The following COPZ1 variants were observed in gnomAD, a reference collection of about 807,000 sequenced individuals.
COPZ1 encodes the protein coatomer subunit zeta-1.
Under a neutral mutation model 31.7 loss-of-function variants are expected in COPZ1, and 4 were observed. The ratio of observed to expected loss-of-function variants is 0.13; its 90% CI spans 0.06 to 0.29. COPZ1 has a LOEUF of 0.29. Ranked by LOEUF, COPZ1 falls within the 10% of genes least tolerant of loss-of-function variation. The pLI, the probability that COPZ1 is intolerant of heterozygous loss-of-function variation, is 1.00. For synonymous variants in COPZ1, 74 were observed against 79.0 expected (o/e 0.94, Z 0.33); for missense variants, 156 against 211.5 (o/e 0.74, Z 1.63).
chr12:54,344,203 C>CA (rs1382373212), intron 4 of COPZ1, among the ~76,000 whole-genome samples: 1 of 152,236 alleles, frequency 6.6e-6, no homozygotes, highest in East Asian at 1.9e-4. Context: ...GTAATCCCAG[C>CA]ACTTTGGGAG....
At chr12:54,340,471 G>A in intron 1 of COPZ1, 76 bp from the exon 2 acceptor site, 1 of 1,593,374 alleles carries the variant, frequency 6.3e-7, no homozygotes, top group Non-Finnish European at 8.5e-7. Context: ...AGCCCCAGTG[G>A]GACTAGGGGA....
intron 5 of COPZ1, among the ~76,000 whole-genome samples, chr12:54,346,363 G>T (rs1682907183): frequency 6.6e-6 from 1 of 151,266 alleles, no homozygotes; most frequent in South Asian, 2.1e-4. Context: ...TGCCTCCCAG[G>T]TTCAAGCGAT....
chr12:54,339,297 G>T (rs948685339), intron 1 of COPZ1, among the ~76,000 whole-genome samples: 3 of 151,270 alleles, frequency 2.0e-5, no homozygotes, highest in Non-Finnish European at 2.9e-5. Flanking sequence ...GGAATGTGAG[G>T]CTGCAAATAC....
In COPZ1 at chr12:54,338,420, AGG is replaced by A. The variant is rs1437230322; in HGVS notation, c.19-2126_19-2125del. On this transcript the variant is annotated intron_variant, in intron 1 of 8. Coordinates refer to ENST00000262061, the MANE Select transcript of COPZ1 (RefSeq NM_016057.3). The stretch of plus-strand genomic sequence containing the variant: ...GTGACCTTTTAAGACTAGACTCTAG[AGG>A]ACTTCCCTCCACTAGGCAACAAAGT... 2.7e-3 allele frequency among the ~76,000 whole-genome samples: 415 copies of A among 152,312 alleles called. 4 individuals are homozygous for A. The highest frequency in any genetic ancestry group is 9.8e-3 in the African/African-American group (406 of 41,568).
intron 1 of COPZ1, among the ~76,000 whole-genome samples, chr12:54,331,728 G>C (rs558561162): frequency 5.3e-5 from 8 of 151,972 alleles, no homozygotes; most frequent in African/African-American, 1.5e-4. Flanking sequence ...AGGGAGATGT[G>C]GGGGGGAGTA....
chr12:54,347,046 C>T (rs1187469669), intron 5 of COPZ1, among the ~76,000 whole-genome samples: 1 of 152,186 alleles, frequency 6.6e-6, no homozygotes, highest in African/African-American at 2.4e-5. Flanking sequence ...GAACCCAGTA[C>T]AGACAGCCAT....
At chr12:54,325,386 A>G (rs1202685628) in intron 1 of COPZ1, 2 of 655,808 alleles carry the variant, frequency 3.0e-6, no homozygotes, top group Non-Finnish European at 5.1e-6. Flanking sequence ...GAGAGGGCAT[A>G]GAGTCGGTGG....
At position 54,349,656 on chromosome 12, in the gene COPZ1, C is replaced by A. The variant is rs1434895330; in HGVS notation, c.484C>A (p.Gln162Lys). 6.2e-7 allele frequency: 1 copy of A among 1,611,062 alleles called. No homozygotes were observed. The highest frequency in any genetic ancestry group is 8.5e-7 in the Non-Finnish European group (1 of 1,177,148). The change falls in exon 8 of 9, where the codon CAG becomes AAG. Residue 162 changes from glutamine to lysine, a missense_variant and splice_region_variant. Gln to Lys is a moderately conservative substitution (Grantham distance 53). Transcript: ENST00000262061. ...CCCCCTTACGGAGCAGACCGTGTCT[C>A]AGGTATGACTCTCCCTTCTTCCTTT... ...DVPLTEQTVS[Q>K]VLQSAKEQIK...
intron 7 of COPZ1, among the ~76,000 whole-genome samples, chr12:54,349,371 G>T (rs1954111853): frequency 6.6e-6 from 1 of 152,138 alleles, no homozygotes; most frequent in South Asian, 2.1e-4. Context: ...ACTCTGAATG[G>T]AGTTAAATCT....
chr12:54,330,425 C>T (rs910915296), intron 1 of COPZ1, among the ~76,000 whole-genome samples: 2 of 152,172 alleles, frequency 1.3e-5, no homozygotes, highest in African/African-American at 4.8e-5. Context: ...ATGTCTTGCC[C>T]TCCAAGAAGA....
At chr12:54,338,532 A>G (rs1040074246) in intron 1 of COPZ1, among the ~76,000 whole-genome samples, 13 of 152,362 alleles carry the variant, frequency 8.5e-5, no homozygotes, top group Admixed American at 2.6e-4. Context: ...AGGAGTGTTT[A>G]TCAGAGGAGG....
chr12:54,333,189 A>G (rs1455397567), intron 1 of COPZ1, among the ~76,000 whole-genome samples: 5 of 152,046 alleles, frequency 3.3e-5, no homozygotes, highest in Non-Finnish European at 7.4e-5. Flanking sequence ...GATTACAGGC[A>G]TGCACCACCA....
chr12:54,346,323 A>G (rs1464303426), intron 5 of COPZ1, among the ~76,000 whole-genome samples: 3 of 145,090 alleles, frequency 2.1e-5, no homozygotes, highest in Non-Finnish European at 4.5e-5. Flanking sequence ...GCTGGAGTGC[A>G]GTGGCGTGAT....
At position 54,350,488 on chromosome 12, in the gene COPZ1, G is replaced by A. The variant is rs1954129271; in HGVS notation, c.499G>A (p.Ala167Thr). The A allele has an allele frequency of 6.2e-6, 10 of 1,614,026 alleles. No homozygotes were observed. Among genetic ancestry groups the A allele is most frequent in the South Asian group, 1.1e-5 (1 of 91,082 alleles). ...CTTATCTCTGCAGGTGCTGCAGTCA[G>A]CCAAAGAACAGATCAAGTGGTCACT... The part of the protein sequence containing the change: ...EQTVSQVLQS[A>T]KEQIKWSLLR The change falls in exon 9 of 9, where the codon GCC becomes ACC. Residue 167 changes from alanine (A) to threonine (T), a missense_variant. Coordinates refer to ENST00000262061, the MANE Select transcript of COPZ1 (RefSeq NM_016057.3).
At chr12:54,350,058 C>G in intron 8 of COPZ1, 1 of 600,180 alleles carries the variant, frequency 1.7e-6, no homozygotes, top group East Asian at 2.7e-5. Context: ...GCAGGTTTTG[C>G]AGATCCATCT....
In COPZ1 at chr12:54,351,617, A is replaced by G. The variant is rs770559865; in HGVS notation, c.*1094A>G. 1 of 152,178 alleles carries G rather than the reference A, an allele frequency of 6.6e-6. No homozygotes were observed. The highest frequency in any genetic ancestry group is 3.2e-3 in the Middle Eastern group (1 of 316). The allele number at this position is 152,178 out of a possible 1,614,324, so 9.4% of individuals were successfully genotyped here. On this transcript the variant is annotated 3_prime_UTR_variant, in exon 9 of 9. Coordinates refer to ENST00000262061, the MANE Select transcript of COPZ1 (RefSeq NM_016057.3). ...GAATGGAATACTCACTCTTGGGTCTAATCTTTCCCCTTGACCCAGAACTTC... is the reference window on the plus strand; with the variant it reads ...GAATGGAATACTCACTCTTGGGTCTGATCTTTCCCCTTGACCCAGAACTTC...
At chr12:54,335,149 G>A (rs1466865557) in intron 1 of COPZ1, among the ~76,000 whole-genome samples, 1 of 149,210 alleles carries the variant, frequency 6.7e-6, no homozygotes, top group Non-Finnish European at 1.5e-5. Flanking sequence ...ACCCCAGCCT[G>A]GACAACAAAG....
intron 2 of COPZ1, among the ~76,000 whole-genome samples, chr12:54,341,830 A>G (rs556567273): frequency 8.6e-5 from 13 of 152,010 alleles, no homozygotes; most frequent in Non-Finnish European, 1.6e-4. Context: ...CTGTGCTTCT[A>G]GTGTTTTTTG....
At chr12:54,347,631 C>A (rs931418084) in intron 5 of COPZ1, 136 bp from the exon 6 acceptor site, 2 of 720,368 alleles carry the variant, frequency 2.8e-6, no homozygotes, top group Non-Finnish European at 4.6e-6. Context: ...CTAAAAAGTT[C>A]TTCACCTTAT....
Sources: allele counts gnomAD v4.1 joint callset (sites outside exome capture counted in the v4.1 genomes callset), GRCh38; gene constraint gnomAD v4.1.1; transcripts MANE v1.5; gene names NCBI Gene and HGNC (gene_info 2026-07-23, HGNC 2026-07-21).